SORCS3: variants seen among roughly 807,000 people sequenced by gnomAD.
SORCS3 encodes the protein sortilin related VPS10 domain containing receptor 3, also known as VPS10 domain-containing receptor SorCS3.
Under a neutral mutation model 146.3 loss-of-function variants are expected in SORCS3, and 57 were observed. That is an observed-to-expected ratio of 0.39 (90% CI 0.31 to 0.49). The LOEUF (loss-of-function observed/expected upper bound fraction) is 0.49, where lower values mean the gene tolerates loss of function less well. SORCS3 is among the 20% of genes least tolerant of loss of function. The probability of loss-of-function intolerance (pLI) is 0.92; values close to 1 mark genes in which losing one functional copy is unlikely to be tolerated. For synonymous variants in SORCS3, 653 were observed against 618.5 expected, an observed-to-expected ratio of 1.06 and a Z score of -0.83; for missense variants, 1,341 against 1,575.5, an observed-to-expected ratio of 0.85 and a Z score of 2.52.
intron 4 of SORCS3, among the ~76,000 whole-genome samples, chr10:105,027,572 T>C (rs1412351523): frequency 6.6e-6 from 1 of 151,888 alleles, no homozygotes; most frequent in Non-Finnish European, 1.5e-5. Flanking sequence ...ACTCACCATG[T>C]TTTTTTTCAT....
At chr10:104,908,809 A>G (rs1056251387) in intron 2 of SORCS3, among the ~76,000 whole-genome samples, 2 of 152,252 alleles carry the variant, frequency 1.3e-5, no homozygotes, top group South Asian at 2.1e-4. Flanking sequence ...TCTTTGTAGT[A>G]CAATGAGTAC....
chr10:105,078,705 C>G (rs995322102), intron 5 of SORCS3, among the ~76,000 whole-genome samples: 2 of 152,146 alleles, frequency 1.3e-5, no homozygotes, highest in Non-Finnish European at 2.9e-5. Context: ...GCCTCTCTTT[C>G]TTCCAAATGT....
chr10:105,249,517 T>A (rs928241912), intron 22 of SORCS3, among the ~76,000 whole-genome samples: 2 of 152,148 alleles, frequency 1.3e-5, no homozygotes, highest in African/African-American at 4.8e-5. Context: ...ATAGGAGCAT[T>A]GCTGTATGGA....
chr10:104,982,700 C>A (rs1024329510), intron 4 of SORCS3, among the ~76,000 whole-genome samples: 1 of 152,222 alleles, frequency 6.6e-6, no homozygotes, highest in Non-Finnish European at 1.5e-5. Context: ...CTCATTAGTA[C>A]AATGGAGGTG....
At chr10:105,244,931 T>G (rs929109561) in intron 20 of SORCS3, among the ~76,000 whole-genome samples, 4 of 151,920 alleles carry the variant, frequency 2.6e-5, no homozygotes, top group African/African-American at 9.7e-5. Flanking sequence ...TAGCTGAGTG[T>G]GGTGGCATAC....
intron 17 of SORCS3, 95 bp from the exon 18 acceptor site, chr10:105,214,347 C>T: frequency 1.4e-6 from 2 of 1,401,204 alleles, no homozygotes; most frequent in Non-Finnish European, 2.0e-6. Context: ...TGCTCTTGCT[C>T]TCTTACATTC....
At chr10:104,899,902 A>G (rs2133589335) in intron 2 of SORCS3, among the ~76,000 whole-genome samples, 1 of 152,096 alleles carries the variant, frequency 6.6e-6, no homozygotes, top group East Asian at 1.9e-4. Flanking sequence ...TCCTACATCT[A>G]GGATGGCCAA....
rs578180829 is a variant in SORCS3, at chr10:104,803,238, A to G, written c.628-39554A>G. ...CTACAAGGAAAGTAGAGAAGTCTGT[A>G]GCTGTATGGAGACTGAAATTTGGTA... On this transcript the variant is annotated intron_variant, in intron 1 of 26. Coordinates refer to ENST00000369701, the MANE Select transcript of SORCS3 (RefSeq NM_014978.3). Among the ~76,000 whole-genome samples the G allele has an allele frequency of 8.7e-4, 132 of 152,374 alleles. 1 individual carries two copies. In the South Asian group the frequency reaches 0.018, roughly 20 times the overall value.
chr10:105,148,667 A>G (rs892652955), intron 9 of SORCS3, among the ~76,000 whole-genome samples: 2 of 152,074 alleles, frequency 1.3e-5, no homozygotes, highest in Non-Finnish European at 1.5e-5. Context: ...TACGTTGTCT[A>G]TTCTGGGTGG....
chr10:105,017,245 C>T (rs1267294606), intron 4 of SORCS3, among the ~76,000 whole-genome samples: 1 of 151,822 alleles, frequency 6.6e-6, no homozygotes, highest in African/African-American at 2.4e-5. Flanking sequence ...GGTCCCCACA[C>T]AGGAAGTGGT....
chr10:104,812,650 T>G (rs928726904), intron 1 of SORCS3, among the ~76,000 whole-genome samples: 2 of 152,202 alleles, frequency 1.3e-5, no homozygotes, highest in African/African-American at 4.8e-5. Flanking sequence ...CTAATGGGCC[T>G]TTCCCATTGG....
chr10:104,953,088 A>G (rs1341018129), intron 3 of SORCS3, among the ~76,000 whole-genome samples: 1 of 152,224 alleles, frequency 6.6e-6, no homozygotes, highest in Non-Finnish European at 1.5e-5. Context: ...CTGACAGAGC[A>G]GTGGGGAATC....
intron 2 of SORCS3, among the ~76,000 whole-genome samples, chr10:104,847,146 G>T (rs967394076): frequency 6.6e-6 from 1 of 152,112 alleles, no homozygotes; most frequent in African/African-American, 2.4e-5. Context: ...CTCTGCACTC[G>T]TGGATGCGCG....
intron 1 of SORCS3, among the ~76,000 whole-genome samples, chr10:104,728,539 G>A (rs1444239909): frequency 6.6e-6 from 1 of 152,210 alleles, no homozygotes; most frequent in African/African-American, 2.4e-5. Context: ...GACAGTGAGA[G>A]TAGAACGATT....
At chr10:104,861,579 C>T (rs943667741) in intron 2 of SORCS3, among the ~76,000 whole-genome samples, 2 of 152,316 alleles carry the variant, frequency 1.3e-5, no homozygotes, top group South Asian at 2.1e-4. Context: ...TTTCCCCACA[C>T]CCTCAACACA....
chr10:104,696,575 T>C (rs867962809), intron 1 of SORCS3, among the ~76,000 whole-genome samples: 1 of 83,888 alleles, frequency 1.2e-5, no homozygotes, highest in South Asian at 3.2e-4. Flanking sequence ...ACGTATATAA[T>C]ATATAATATA....
chr10:104,962,422 T>C (rs907652590), intron 3 of SORCS3, among the ~76,000 whole-genome samples: 7 of 152,128 alleles, frequency 4.6e-5, no homozygotes, highest in African/African-American at 1.7e-4. Flanking sequence ...AGATTCCATA[T>C]CAGAGCTGGG....
At position 104,663,804 on chromosome 10, in the gene SORCS3, C is replaced by T. The variant is rs541329111; in HGVS notation, c.627+21850C>T. On this transcript the variant is annotated intron_variant, in intron 1 of 26. Coordinates refer to ENST00000369701, the MANE Select transcript of SORCS3 (RefSeq NM_014978.3). The stretch of plus-strand genomic sequence containing the variant: ...TGAATGAACCAGGAGCTTTTTCCTT[C>T]ACACTGGCAGCCCCCCACTCCTCTT... Among the ~76,000 whole-genome samples, 10 of 152,306 alleles carry T rather than the reference C, an allele frequency of 6.6e-5. No homozygotes were observed. The East Asian group carries it at 1.9e-3, about 29-fold the overall frequency.
Position 105,223,268 on chromosome 10 carries a change from G to T in SORCS3, c.2868+19G>T. ...CACAAAGGTTTGGCCCTTTCTGATT[G>T]ATGTCAAATTAGATCTGTACTGAAT... is the stretch of plus-strand genomic sequence containing the variant. On this transcript the variant is annotated intron_variant, in intron 20 of 26. Coordinates refer to ENST00000369701, the MANE Select transcript of SORCS3 (RefSeq NM_014978.3). 6.3e-7 allele frequency: 1 copy of T among 1,599,014 alleles called. No homozygotes were observed. Among genetic ancestry groups the T allele is most frequent in the Non-Finnish European group, 8.5e-7 (1 of 1,170,380 alleles).
Sources: allele counts gnomAD v4.1 joint callset (sites outside exome capture counted in the v4.1 genomes callset), GRCh38; gene constraint gnomAD v4.1.1; transcripts MANE v1.5; gene names NCBI Gene and HGNC (gene_info 2026-07-23, HGNC 2026-07-21).